The following CACHD1 variants were observed in gnomAD, a reference collection of about 807,000 sequenced individuals.
The protein encoded by CACHD1 is cache domain containing 1.
CACHD1 carries 71 observed loss-of-function variants against 138.7 expected under a neutral mutation model. The observed-to-expected ratio is 0.51, with a 90% CI of 0.42 to 0.62. CACHD1 has a LOEUF of 0.62. CACHD1 is among the 20% of genes least tolerant of loss of function. CACHD1 has a pLI of 0.00. For synonymous variants in CACHD1, 578 were observed against 591.5 expected (o/e 0.98, Z 0.33); for missense variants, 1,389 against 1,625.3 (o/e 0.85, Z 2.50).
At chr1:64,603,888 T>C (rs1647264237) in intron 4 of CACHD1, among the ~76,000 whole-genome samples, 1 of 152,196 alleles carries the variant, frequency 6.6e-6, no homozygotes, top group African/African-American at 2.4e-5. Flanking sequence ...GTTTAAGAGC[T>C]GGAAGGAACT....
intron 1 of CACHD1, among the ~76,000 whole-genome samples, chr1:64,479,938 A>G (rs1326999906): frequency 6.6e-6 from 1 of 152,208 alleles, no homozygotes; most frequent in African/African-American, 2.4e-5. Context: ...TAGAAAACTC[A>G]GCCAAAGTGA....
Position 64,673,428 on chromosome 1 carries a change from G to A in CACHD1, c.2691G>A (p.Thr897=), listed in dbSNP as rs764373457. The change falls in exon 19 of 27, where the codon ACG becomes ACA. Residue 897 remains threonine, a synonymous_variant. Coordinates refer to ENST00000651257, the MANE Select transcript of CACHD1 (RefSeq NM_020925.4). ...TGTGCAACAGCTTCAGTGACAGAAC[G>A]GTCCAGAGGTTTTATAAATTCAACA... ...KNLCNSFSDR[T]VQRFYKFNTS... 8.7e-6 allele frequency: 14 copies of A among 1,613,944 alleles called. No homozygotes were observed. Among genetic ancestry groups the A allele is most frequent in the African/African-American group, 2.7e-5 (2 of 74,888 alleles).
intron 22 of CACHD1, 90 bp downstream of exon 22, chr1:64,677,101 A>G: frequency 9.6e-7 from 1 of 1,036,764 alleles, no homozygotes; most frequent in Non-Finnish European, 1.5e-6. Flanking sequence ...TCAGTTTTTC[A>G]GATCTGAAAC....
intron 11 of CACHD1, 108 bp from the exon 12 acceptor site, chr1:64,654,578 A>C: frequency 1.8e-5 from 13 of 721,182 alleles, no homozygotes; most frequent in East Asian, 2.5e-5. Flanking sequence ...CTTCTTTGGT[A>C]TTCGAAATCA....
intron 4 of CACHD1, among the ~76,000 whole-genome samples, chr1:64,603,397 C>T (rs1048714739): frequency 2.6e-5 from 4 of 152,106 alleles, no homozygotes; most frequent in Admixed American, 2.6e-4. Flanking sequence ...AGCCACCACG[C>T]CCGGCCAATA....
At chr1:64,644,026 T>TA (rs1648823758) in intron 8 of CACHD1, among the ~76,000 whole-genome samples, 1 of 152,238 alleles carries the variant, frequency 6.6e-6, no homozygotes, top group Non-Finnish European at 1.5e-5. Flanking sequence ...GGTGCTCACA[T>TA]ACTGTCCTCT....
At chr1:64,506,293 T>G (rs1459847068) in intron 1 of CACHD1, 1 of 152,238 alleles carries the variant, frequency 6.6e-6, no homozygotes, top group Non-Finnish European at 1.5e-5. Flanking sequence ...CCAAAGTTCT[T>G]CAGGGATGCA....
chr1:64,499,379 T>G (rs1448362965), intron 1 of CACHD1, among the ~76,000 whole-genome samples: 1 of 152,196 alleles, frequency 6.6e-6, no homozygotes, highest in African/African-American at 2.4e-5. Context: ...ACAAAATCAG[T>G]GACTGAAACT....
chr1:64,658,899 TTCTTAC>T, intron 13 of CACHD1, 26 bp downstream of exon 13: 3 of 1,516,596 alleles, frequency 2.0e-6, no homozygotes, highest in Non-Finnish European at 2.7e-6. Context: ...TTCCTTCACA[TTCTTAC>T]TCTTAGCAGC....
chr1:64,650,283 G>A (rs1649045991), intron 9 of CACHD1, among the ~76,000 whole-genome samples: 1 of 152,110 alleles, frequency 6.6e-6, no homozygotes, highest in African/African-American at 2.4e-5. Flanking sequence ...GAGTATTTCT[G>A]TTGTACTTTA....
chr1:64,534,205 A>G (rs1012595532), intron 1 of CACHD1, among the ~76,000 whole-genome samples: 2 of 151,824 alleles, frequency 1.3e-5, no homozygotes. Context: ...CATCATGCCC[A>G]GCTAATTTTT....
intron 1 of CACHD1, among the ~76,000 whole-genome samples, chr1:64,505,379 TGGAGGGGAGG>T (rs941399662): frequency 9.4e-5 from 14 of 149,288 alleles, no homozygotes; most frequent in Non-Finnish European, 1.6e-4. Flanking sequence ...CTGCGAGGTC[TGGAGGGGAGG>T]GGAGGGGAGG....
chr1:64,580,289 G>C (rs775066315), intron 2 of CACHD1, among the ~76,000 whole-genome samples: 4 of 152,112 alleles, frequency 2.6e-5, no homozygotes, highest in African/African-American at 7.2e-5. Context: ...TAGAAGAACA[G>C]TTTGGAACCT....
At chr1:64,615,305 A>C (rs1018981587) in intron 4 of CACHD1, among the ~76,000 whole-genome samples, 12 of 152,252 alleles carry the variant, frequency 7.9e-5, no homozygotes, top group South Asian at 6.2e-4. Flanking sequence ...GAAGAAAGGG[A>C]GGAAAGGAGA....
intron 5 of CACHD1, among the ~76,000 whole-genome samples, chr1:64,631,142 G>A (rs1489634360): frequency 6.6e-6 from 1 of 152,200 alleles, no homozygotes; most frequent in East Asian, 1.9e-4. Context: ...CACTAAAGCA[G>A]CGTTTAACAA....
intron 26 of CACHD1, among the ~76,000 whole-genome samples, chr1:64,689,026 C>T (rs1650456274): frequency 6.6e-6 from 1 of 152,166 alleles, no homozygotes; most frequent in Non-Finnish European, 1.5e-5. Context: ...AGGTAGGCCT[C>T]TCAGGAGCTG....
intron 2 of CACHD1, among the ~76,000 whole-genome samples, chr1:64,563,449 A>G (rs1280250254): frequency 1.3e-5 from 2 of 152,202 alleles, no homozygotes; most frequent in African/African-American, 4.8e-5. Flanking sequence ...AGCAAGATAT[A>G]CTTCCAGATG....
chr1:64,558,879 C>A (rs552434477), intron 2 of CACHD1, among the ~76,000 whole-genome samples: 2 of 152,242 alleles, frequency 1.3e-5, no homozygotes, highest in South Asian at 2.1e-4. Context: ...ATCTTCCCAA[C>A]AAGCATATGA....
At chr1:64,638,325 C>T (rs565743873) in intron 7 of CACHD1, among the ~76,000 whole-genome samples, 9 of 152,306 alleles carry the variant, frequency 5.9e-5, no homozygotes, top group Non-Finnish European at 7.4e-5. Flanking sequence ...ATAAGACCTA[C>T]TCTTGACGAT....
Sources: allele counts gnomAD v4.1 joint callset (sites outside exome capture counted in the v4.1 genomes callset), GRCh38; gene constraint gnomAD v4.1.1; transcripts MANE v1.5; gene names NCBI Gene and HGNC (gene_info 2026-07-23, HGNC 2026-07-21).